The following KCNQ5 variants were observed in gnomAD, a reference collection of about 807,000 sequenced individuals.
The protein encoded by KCNQ5 is potassium voltage-gated channel subfamily KQT member 5.
Under a neutral mutation model 98.2 loss-of-function variants are expected in KCNQ5, and 30 were observed. That is an observed-to-expected ratio of 0.31 (90% confidence interval 0.23 to 0.41). The LOEUF is 0.41. Ranked by LOEUF, KCNQ5 falls within the 10% of genes least tolerant of loss-of-function variation. The pLI is 1.00. For synonymous variants in KCNQ5, 458 were observed against 449.4 expected, an observed-to-expected ratio of 1.02 and a Z score of -0.24; for missense variants, 835 against 1,182.5, an observed-to-expected ratio of 0.71 and a Z score of 4.31.
Position 72,622,269 on chromosome 6 carries a change from C to CGGGCGGG in KCNQ5, c.86_92dup (p.Leu32GlyfsTer70). The CGGGCGGG allele has an allele frequency of 7.9e-7, 1 of 1,270,152 alleles. No homozygotes were observed. The highest frequency in any genetic ancestry group is 9.9e-7 in the Non-Finnish European group (1 of 1,012,110). The allele number at this position is 1,270,152 out of a possible 1,614,324, so 78.7% of individuals were successfully genotyped here. A position where few individuals can be genotyped will look rare whatever the true frequency, so the allele number is the denominator to read the frequency against. The stretch of plus-strand genomic sequence containing the variant: ...AAGAGCGGCGCAGCGGCGGCGGCGG[C>CGGGCGGG]GGGCGGGGGGCGCTTGGGCAGCGGC... On this transcript the variant is annotated frameshift_variant, in exon 1 of 14. Coordinates refer to ENST00000370398, the MANE Select transcript of KCNQ5 (RefSeq NM_019842.4). LOFTEE classifies it high-confidence loss of function. This position sits in a 1 kb window ranked among gnomAD's most constrained non-coding sequence, Gnocchi z 6.0.
At chr6:72,976,319 A>C (rs2150290835) in intron 1 of KCNQ5, among the ~76,000 whole-genome samples, 1 of 152,340 alleles carries the variant, frequency 6.6e-6, no homozygotes, top group Non-Finnish European at 1.5e-5. Flanking sequence ...GTTGTCAAAC[A>C]CCTTTTAATG....
At chr6:72,985,464 A>G (rs1218601420) in intron 1 of KCNQ5, among the ~76,000 whole-genome samples, 1 of 152,238 alleles carries the variant, frequency 6.6e-6, no homozygotes, top group African/African-American at 2.4e-5. Flanking sequence ...ACAGGAATAG[A>G]AAAGAAATAA....
chr6:72,782,387 A>G (rs776901139), intron 1 of KCNQ5, among the ~76,000 whole-genome samples: 42 of 152,290 alleles, frequency 2.8e-4, no homozygotes, highest in Middle Eastern at 6.8e-3. Context: ...AGTTCATTTC[A>G]TGCTTCCCCA....
chr6:72,888,664 C>G (rs979035936), intron 1 of KCNQ5, among the ~76,000 whole-genome samples: 1 of 152,128 alleles, frequency 6.6e-6, no homozygotes, highest in African/African-American at 2.4e-5. Flanking sequence ...TGTCAGTCCA[C>G]ATGACCTGGG....
chr6:72,908,736 A>T (rs951794761), intron 1 of KCNQ5, among the ~76,000 whole-genome samples: 3 of 152,202 alleles, frequency 2.0e-5, no homozygotes, highest in Admixed American at 1.3e-4. Flanking sequence ...AAAGAAATGG[A>T]GGAAGTAATT....
chr6:73,194,670 G>A lies in KCNQ5; in HGVS notation c.2055G>A (p.Ser685=), dbSNP rs1298720865. The change falls in exon 14 of 14, where the codon TCG becomes TCA. Residue 685 remains serine (S), a synonymous_variant. Transcript: ENST00000370398. ...CCAGATCAACTAGTGCCAACATCTCGAGAGGCCTGCAGTTCATTCTGACGC... is the reference window on the plus strand; with the variant it reads ...CCAGATCAACTAGTGCCAACATCTCAAGAGGCCTGCAGTTCATTCTGACGC... The part of the protein sequence containing the change: ...CLSRSTSANI[S]RGLQFILTPN... The A allele has an allele frequency of 9.9e-6, 16 of 1,614,110 alleles. No homozygotes were observed. The highest frequency in any genetic ancestry group is 2.7e-5 in the African/African-American group (2 of 74,932).
At chr6:72,930,535 A>G (rs199509224) in intron 1 of KCNQ5, among the ~76,000 whole-genome samples, 6 of 146,980 alleles carry the variant, frequency 4.1e-5, no homozygotes, top group East Asian at 2.1e-4. Flanking sequence ...GGTCATTAAC[A>G]TGATGAAGTT....
chr6:73,146,511 G>C (rs979958379), intron 10 of KCNQ5, among the ~76,000 whole-genome samples: 3 of 151,326 alleles, frequency 2.0e-5, no homozygotes, highest in Admixed American at 2.0e-4. Context: ...TATAGCCCCA[G>C]CCACTTGGGA....
intron 10 of KCNQ5, among the ~76,000 whole-genome samples, chr6:73,159,317 A>C (rs1777520035): frequency 6.6e-6 from 1 of 152,178 alleles, no homozygotes; most frequent in African/African-American, 2.4e-5. Context: ...GGACACAAAG[A>C]GGGGAAAAAC....
intron 10 of KCNQ5, among the ~76,000 whole-genome samples, chr6:73,151,658 C>A (rs1777154421): frequency 6.6e-6 from 1 of 152,208 alleles, no homozygotes; most frequent in Non-Finnish European, 1.5e-5. Context: ...ACCAATCAGT[C>A]CCATTGTGAC....
intron 1 of KCNQ5, among the ~76,000 whole-genome samples, chr6:72,651,586 ATTATT>A (rs1405078137): frequency 6.6e-6 from 1 of 152,054 alleles, no homozygotes; most frequent in Admixed American, 6.6e-5. Context: ...TTAGAAGTCT[ATTATT>A]TCGTTGAGAT....
chr6:72,866,626 A>G (rs576411573), intron 1 of KCNQ5, among the ~76,000 whole-genome samples: 2 of 152,316 alleles, frequency 1.3e-5, no homozygotes, highest in Admixed American at 1.3e-4. Context: ...GAGATGATAC[A>G]GTTGTGCGTT....
chr6:72,791,305 A>C (rs1561986080), intron 1 of KCNQ5, among the ~76,000 whole-genome samples: 1 of 151,858 alleles, frequency 6.6e-6, no homozygotes, highest in Non-Finnish European at 1.5e-5. Context: ...GCATGTGCGC[A>C]CTGAATGATG....
At chr6:73,065,570 G>A (rs903860074) in intron 3 of KCNQ5, among the ~76,000 whole-genome samples, 2 of 152,052 alleles carry the variant, frequency 1.3e-5, no homozygotes, top group African/African-American at 4.8e-5. Context: ...ATCTGATCCT[G>A]CACTCTGCCA....
chr6:73,145,122 A>G (rs370746671), intron 10 of KCNQ5, among the ~76,000 whole-genome samples: 7 of 152,178 alleles, frequency 4.6e-5, no homozygotes, highest in African/African-American at 1.7e-4. Context: ...TGACTTTTTT[A>G]TTTCTCCCTG....
At chr6:72,765,896 A>T (rs1168398431) in intron 1 of KCNQ5, among the ~76,000 whole-genome samples, 1 of 152,036 alleles carries the variant, frequency 6.6e-6, no homozygotes, top group Admixed American at 6.6e-5. Flanking sequence ...TTCAACTAGG[A>T]TGACAGTAAC....
intron 1 of KCNQ5, among the ~76,000 whole-genome samples, chr6:72,969,576 C>T (rs1301732464): frequency 6.6e-6 from 1 of 152,112 alleles, no homozygotes; most frequent in Non-Finnish European, 1.5e-5. Context: ...CATCTTCCCT[C>T]CTCTACTTTT....
intron 1 of KCNQ5, among the ~76,000 whole-genome samples, chr6:72,912,410 G>C (rs780721992): frequency 6.6e-6 from 1 of 152,170 alleles, no homozygotes; most frequent in Non-Finnish European, 1.5e-5. Context: ...TCCTTGCTTA[G>C]TGTCAGAGCT....
intron 10 of KCNQ5, among the ~76,000 whole-genome samples, chr6:73,155,340 C>G (rs1188132833): frequency 6.6e-6 from 1 of 152,172 alleles, no homozygotes; most frequent in South Asian, 2.1e-4. Context: ...ATTGTTAGTG[C>G]CCCATGCATA....
Sources: allele counts gnomAD v4.1 joint callset (sites outside exome capture counted in the v4.1 genomes callset), GRCh38; gene constraint gnomAD v4.1.1; non-coding constraint Gnocchi (gnomAD v3.1); transcripts MANE v1.5; gene names NCBI Gene and HGNC (gene_info 2026-07-23, HGNC 2026-07-21).